Variants in PRMT7 observed in about 807,000 individuals in gnomAD.
PRMT7 encodes the protein protein arginine N-methyltransferase 7.
A neutral mutation model predicts 85.4 loss-of-function variants in PRMT7; 75 were observed. The ratio of observed to expected loss-of-function variants is 0.88; its 90% CI spans 0.73 to 1.06. The LOEUF is 1.06. Ranked by LOEUF, PRMT7 falls within the 50% of genes least tolerant of loss-of-function variation. The probability of loss-of-function intolerance (pLI) is 0.00; values close to 1 mark genes in which losing one functional copy is unlikely to be tolerated. For missense variants in PRMT7, 868 were observed against 915.2 expected (o/e 0.95, Z 0.67); for synonymous variants, 397 against 359.5 (o/e 1.10, Z -1.18).
chr16:68,352,019 C>G (rs927277387), intron 14 of PRMT7: 2 of 494,076 alleles, frequency 4.0e-6, no homozygotes, highest in Non-Finnish European at 7.3e-6. Flanking sequence ...TCTTTACAGC[C>G]TCCAGGGCAG....
chr16:68,347,760 G>C, intron 13 of PRMT7, 82 bp downstream of exon 13: 2 of 1,318,346 alleles, frequency 1.5e-6, no homozygotes, highest in Non-Finnish European at 2.2e-6. Flanking sequence ...ATTGGCCCCA[G>C]GGGAACAAAG....
Position 68,345,755 on chromosome 16 carries a change from A to G in PRMT7, c.1008A>G (p.Val336=). The G allele has an allele frequency of 6.2e-7, 1 of 1,614,130 alleles. No homozygotes were observed. Among genetic ancestry groups the G allele is most frequent in the South Asian group, 1.1e-5 (1 of 91,082 alleles). Residue 336 remains valine, a synonymous_variant, in exon 10 of 19, where the codon GTA becomes GTG. Transcript: ENST00000441236. ...PVVQGSALYL[V]AHHDDYCVWY... ...TGCAGGGCTCAGCGCTCTATCTGGT[A>G]GCCCACCACGATGACTACTGCGTAT...
chr16:68,352,094 G>C, intron 14 of PRMT7, 154 bp from the exon 15 acceptor site: 1 of 725,784 alleles, frequency 1.4e-6, no homozygotes, highest in Non-Finnish European at 2.2e-6. Context: ...ATGAGGGAGG[G>C]AGGGAATGAG....
chr16:68,346,157 TGA>T lies in PRMT7; in HGVS notation c.1074_1075del (p.Arg358SerfsTer9), dbSNP rs763953657. 1.9e-6 allele frequency: 3 copies of T among 1,613,900 alleles called. No individual in the cohort carries two copies. Among genetic ancestry groups the T allele is most frequent in the Admixed American group, 3.3e-5 (2 of 60,010 alleles). Reference sequence around the variant, plus strand: ...TCTCCTGGCCTAGCCCTGAAAAGAATGAGAGAGTCCGCCAGATGCGCCCCGTG... The same window carrying T: ...TCTCCTGGCCTAGCCCTGAAAAGAATGAGAGTCCGCCAGATGCGCCCCGTG... Reference protein sequence around the residue: ...SLQRTSPEKNERVRQMRPVCD... With the variant: ...SLQRTSPEKNXRVRQMRPVCD... On this transcript the variant is annotated frameshift_variant, in exon 11 of 19. Coordinates refer to ENST00000441236, the MANE Select transcript of PRMT7 (RefSeq NM_019023.5). LOFTEE classifies it high-confidence loss of function.
At chr16:68,348,730 C>A (rs557067926) in intron 14 of PRMT7, among the ~76,000 whole-genome samples, 37 of 150,156 alleles carry the variant, frequency 2.5e-4, no homozygotes, top group South Asian at 2.3e-3. Flanking sequence ...GCAGCCTCGA[C>A]CTTCCAGCCT....
At chr16:68,352,209 C>T in intron 14 of PRMT7, 39 bp from the exon 15 acceptor site, 1 of 1,604,520 alleles carries the variant, frequency 6.2e-7, no homozygotes, top group Non-Finnish European at 8.5e-7. Flanking sequence ...GGACCGAGCC[C>T]TACTGACACC....
chr16:68,348,672 T>C (rs1273703085), intron 14 of PRMT7, among the ~76,000 whole-genome samples: 2 of 137,464 alleles, frequency 1.5e-5, no homozygotes, highest in Admixed American at 1.6e-4. Flanking sequence ...AAATGGGGTC[T>C]CGCGCTGTCG....
downstream of PRMT7, chr16:68,359,343 C>T (rs974986824): frequency 6.6e-6 from 1 of 152,402 alleles, no homozygotes; most frequent in African/African-American, 2.4e-5. Context: ...GGCAGAGAGC[C>T]CAGCAGGATG....
intron 3 of PRMT7, 167 bp downstream of exon 3, chr16:68,316,241 G>A: frequency 3.4e-6 from 2 of 587,696 alleles, no homozygotes; most frequent in Non-Finnish European, 6.2e-6. Context: ...ATATGTAGCA[G>A]TTAGGCAAAA....
intron 6 of PRMT7, among the ~76,000 whole-genome samples, chr16:68,335,433 G>T (rs967450165): frequency 6.6e-6 from 1 of 152,062 alleles, no homozygotes; most frequent in Non-Finnish European, 1.5e-5. Flanking sequence ...ATGAGTTTTG[G>T]ACAGTGTATT....
chr16:68,351,106 G>A (rs1434019720), intron 14 of PRMT7, among the ~76,000 whole-genome samples: 1 of 152,186 alleles, frequency 6.6e-6, no homozygotes, highest in Admixed American at 6.5e-5. Context: ...GTGGTGTACC[G>A]GTAGACCGGG....
chr16:68,332,490 C>T (rs934033648), intron 6 of PRMT7, among the ~76,000 whole-genome samples: 1 of 152,190 alleles, frequency 6.6e-6, no homozygotes, highest in African/African-American at 2.4e-5. Flanking sequence ...AGCAGGGTTT[C>T]CCTTGTCTGG....
At position 68,312,230 on chromosome 16, in the gene PRMT7, T is replaced by TATATATATA. The variant is rs1555537325; in HGVS notation, c.-84+54_-84+55insATATATATA. On this transcript the variant is annotated intron_variant, in intron 2 of 18. Transcript: ENST00000441236. ...TTATATATATATATATATATATATATTTTTTTTTTTAAGACAGGGTCTCAC... is the reference window on the plus strand; with the variant it reads ...TTATATATATATATATATATATATATATATATATATTTTTTTTTTAAGACAGGGTCTCAC... The TATATATATA allele has an allele frequency of 7.6e-5, 5 of 65,542 alleles. No homozygotes were observed. The East Asian group carries it at 2.0e-3, about 27-fold the overall frequency. 4.1% of individuals were successfully genotyped at this position (65,542 alleles called of 1,614,324 possible).
intron 16 of PRMT7, among the ~76,000 whole-genome samples, chr16:68,353,902 C>T (rs1041654466): frequency 5.9e-5 from 9 of 152,158 alleles, no homozygotes; most frequent in African/African-American, 2.2e-4. Flanking sequence ...GCTCCATTCC[C>T]GGGAGGGGTA....
chr16:68,333,103 C>T (rs1038874846), intron 6 of PRMT7, among the ~76,000 whole-genome samples: 7 of 152,176 alleles, frequency 4.6e-5, no homozygotes, highest in African/African-American at 1.7e-4. Context: ...AGTGATCCTC[C>T]TGCCTCAGCC....
At chr16:68,335,235 A>T (rs1192432548) in intron 6 of PRMT7, among the ~76,000 whole-genome samples, 1 of 151,746 alleles carries the variant, frequency 6.6e-6, no homozygotes, top group Non-Finnish European at 1.5e-5. Flanking sequence ...AATTTATCTA[A>T]TGTGTGTTGA....
chr16:68,339,770 T>A lies in PRMT7; in HGVS notation c.747-18T>A. 1 of 1,609,554 alleles carries A rather than the reference T, an allele frequency of 6.2e-7. No homozygotes were observed. The highest frequency in any genetic ancestry group is 8.5e-7 in the Non-Finnish European group (1 of 1,175,808). The stretch of plus-strand genomic sequence containing the variant: ...GTGAGGTTAAACTCTGCTTACATTC[T>A]TGAATATTATTCCTCAGCATAGACT... On this transcript the variant is annotated intron_variant, in intron 8 of 18. Coordinates refer to ENST00000441236, the MANE Select transcript of PRMT7 (RefSeq NM_019023.5).
chr16:68,359,384 G>A (rs907951419), downstream of PRMT7: 1 of 152,620 alleles, frequency 6.6e-6, no homozygotes, highest in African/African-American at 2.4e-5. Context: ...CCTGGCTCTG[G>A]ACTCTGGAGG....
At chr16:68,329,279 T>C (rs922072023) in intron 6 of PRMT7, 105 bp downstream of exon 6, 2 of 754,834 alleles carry the variant, frequency 2.6e-6, no homozygotes, top group African/African-American at 3.5e-5. Context: ...AGCATAGAAG[T>C]GGGACCTCTC....
Sources: gnomAD v4.1 joint callset for allele counts (sites outside exome capture counted in the v4.1 genomes callset) on GRCh38, gnomAD v4.1.1 for gene constraint, MANE v1.5 for transcripts, NCBI Gene and HGNC (gene_info 2026-07-23, HGNC 2026-07-21) for gene names.